The following DUSP29 variants were observed in gnomAD, a reference collection of about 807,000 sequenced individuals.
DUSP29 encodes dual specificity phosphatase 29, also known as atypical dual-specific protein phosphatase.
A neutral mutation model predicts 13.5 loss-of-function variants in DUSP29; 12 were observed. The ratio of observed to expected loss-of-function variants is 0.89; its 90% confidence interval spans 0.57 to 1.44. The LOEUF (loss-of-function observed/expected upper bound fraction) is 1.44, where lower values mean the gene tolerates loss of function less well. Ranked by LOEUF, DUSP29 falls within the 40% of genes most tolerant of loss-of-function variation. The probability of loss-of-function intolerance (pLI) is 0.00; values close to 1 mark genes in which losing one functional copy is unlikely to be tolerated. For missense variants in DUSP29, 308 were observed against 301.1 expected (o/e 1.02, Z -0.17); for synonymous variants, 134 against 128.7 (o/e 1.04, Z -0.28).
intron 2 of DUSP29, among the ~76,000 whole-genome samples, chr10:75,053,804 G>A (rs1027222039): frequency 6.6e-6 from 1 of 151,390 alleles, no homozygotes; most frequent in South Asian, 2.1e-4. Flanking sequence ...TTTTTCCCCC[G>A]CAGCTCCAAG....
intron 1 of DUSP29, among the ~76,000 whole-genome samples, chr10:75,070,067 AAGAAAGGAAGG>A (rs1847292923): frequency 2.4e-5 from 3 of 123,566 alleles, no homozygotes; most frequent in Non-Finnish European, 3.4e-5. Flanking sequence ...AGAAAGAAAG[AAGAAAGGAAGG>A]AAGGAAGGAA....
intron 1 of DUSP29, among the ~76,000 whole-genome samples, chr10:75,072,025 G>A (rs1276676716): frequency 6.6e-6 from 1 of 152,188 alleles, no homozygotes; most frequent in Non-Finnish European, 1.5e-5. Context: ...CTGCTGAGTG[G>A]CCCAACTCCA....
At chr10:75,066,650 ATTT>A (rs1315814808) in intron 1 of DUSP29, among the ~76,000 whole-genome samples, 6 of 152,326 alleles carry the variant, frequency 3.9e-5, no homozygotes, top group South Asian at 2.1e-4. Context: ...TGAAAGTTCT[ATTT>A]TAGAAGTGTT....
intron 1 of DUSP29, among the ~76,000 whole-genome samples, chr10:75,068,295 A>G (rs1847247434): frequency 6.6e-6 from 1 of 151,826 alleles, no homozygotes; most frequent in Admixed American, 6.6e-5. Flanking sequence ...ACATGATGAG[A>G]CTCCCATTTC....
intron 3 of DUSP29, 82 bp downstream of exon 3, chr10:75,043,715 G>T (rs1156518655): frequency 3.9e-6 from 5 of 1,287,702 alleles, no homozygotes; most frequent in East Asian, 2.5e-5. Flanking sequence ...GGGCGGGGAA[G>T]GGGCGGGGCC....
At chr10:75,060,240 T>TG (rs1477496196) in intron 1 of DUSP29, among the ~76,000 whole-genome samples, 2 of 151,968 alleles carry the variant, frequency 1.3e-5, no homozygotes, top group Admixed American at 6.6e-5. Flanking sequence ...GAGGCTGAGG[T>TG]GGGCAGATTG....
chr10:75,058,264 TG>T, intron 2 of DUSP29, 50 bp downstream of exon 2: 1 of 1,577,692 alleles, frequency 6.3e-7, no homozygotes, highest in Non-Finnish European at 8.6e-7. Context: ...GGGCGTGGCC[TG>T]GGGAGGGGCT....
intron 3 of DUSP29, among the ~76,000 whole-genome samples, chr10:75,039,241 T>C (rs1195270715): frequency 6.6e-6 from 1 of 152,170 alleles, no homozygotes; most frequent in Admixed American, 6.5e-5. Flanking sequence ...AGTTCATCTT[T>C]AGGAACAGCA....
At chr10:75,056,875 A>G (rs865776042) in intron 2 of DUSP29, among the ~76,000 whole-genome samples, 10 of 152,136 alleles carry the variant, frequency 6.6e-5, no homozygotes, top group African/African-American at 2.4e-4. Flanking sequence ...CATATTTGTA[A>G]CTTTTTCAAT....
intron 2 of DUSP29, among the ~76,000 whole-genome samples, chr10:75,045,178 G>A (rs376653439): frequency 2.6e-5 from 4 of 152,222 alleles, no homozygotes; most frequent in East Asian, 1.9e-4. Context: ...TCAACGTGGC[G>A]AAACCCTGTC....
In DUSP29 at chr10:75,070,945, C is replaced by T. The variant is rs544141311; in HGVS notation, c.-35+2624G>A. Among the ~76,000 whole-genome samples, 10 of 152,378 alleles carry T rather than the reference C, an allele frequency of 6.6e-5. No individual in the cohort carries two copies. In the South Asian group the frequency reaches 2.1e-3, roughly 32 times the overall value. ...CTGAAATCAGGCCGAAGAGGACAAA[C>T]AGCTAACTCCTGGCCCAGGAACCTG... On this transcript the variant is annotated intron_variant, in intron 1 of 3. Coordinates refer to ENST00000338487, the MANE Select transcript of DUSP29 (RefSeq NM_001003892.3).
chr10:75,045,683 G>A (rs1222513224), intron 2 of DUSP29, among the ~76,000 whole-genome samples: 2 of 152,228 alleles, frequency 1.3e-5, no homozygotes, highest in Non-Finnish European at 2.9e-5. Flanking sequence ...GTGGCAAGGG[G>A]AATAGGAGTT....
At chr10:75,043,757 C>T (rs761560248) in intron 3 of DUSP29, 40 bp downstream of exon 3, 1 of 1,179,160 alleles carries the variant, frequency 8.5e-7, no homozygotes, top group Admixed American at 3.0e-5. Flanking sequence ...CGGGGCGGGG[C>T]GGGGCGGGGC....
At chr10:75,041,773 C>G (rs1393893364) in intron 3 of DUSP29, among the ~76,000 whole-genome samples, 2 of 152,202 alleles carry the variant, frequency 1.3e-5, no homozygotes, top group African/African-American at 4.8e-5. Context: ...AGTATCTACT[C>G]TCCTCCGTTG....
At chr10:75,057,662 G>C (rs996228767) in intron 2 of DUSP29, among the ~76,000 whole-genome samples, 5 of 152,098 alleles carry the variant, frequency 3.3e-5, no homozygotes, top group Non-Finnish European at 7.4e-5. Context: ...ATTTACAGTA[G>C]GTGCATCTCA....
intron 2 of DUSP29, among the ~76,000 whole-genome samples, chr10:75,047,781 A>G (rs190496634): frequency 6.0e-4 from 92 of 152,284 alleles, no homozygotes; most frequent in African/African-American, 2.1e-3. Flanking sequence ...TGTAGAAAAC[A>G]TACTCCCCCC....
At chr10:75,046,793 C>T (rs1271376232) in intron 2 of DUSP29, among the ~76,000 whole-genome samples, 1 of 152,184 alleles carries the variant, frequency 6.6e-6, no homozygotes, top group African/African-American at 2.4e-5. Flanking sequence ...GCTTTGGGGA[C>T]GTAGATCTGC....
chr10:75,071,435 C>T (rs1847325828), intron 1 of DUSP29, among the ~76,000 whole-genome samples: 1 of 152,162 alleles, frequency 6.6e-6, no homozygotes, highest in African/African-American at 2.4e-5. Context: ...CAGCCCAGCC[C>T]CTGGCCTCAG....
intron 2 of DUSP29, among the ~76,000 whole-genome samples, chr10:75,047,976 C>T (rs1287147669): frequency 1.3e-5 from 2 of 152,154 alleles, no homozygotes; most frequent in African/African-American, 4.8e-5. Flanking sequence ...TAAACATCTT[C>T]CTGTGGCAAC....
Sources: allele counts gnomAD v4.1 joint callset (sites outside exome capture counted in the v4.1 genomes callset), GRCh38; gene constraint gnomAD v4.1.1; transcripts MANE v1.5; gene names NCBI Gene and HGNC (gene_info 2026-07-23, HGNC 2026-07-21).